Variants in NCOR1 observed in about 807,000 individuals in gnomAD.
The protein encoded by NCOR1 is nuclear receptor corepressor 1, also known as protein phosphatase 1, regulatory subunit 109.
A neutral mutation model predicts 288.1 loss-of-function variants in NCOR1; 63 were observed. The observed-to-expected ratio is 0.22, with a 90% confidence interval of 0.18 to 0.27. NCOR1 has a LOEUF of 0.27. Among genes scored for constraint, NCOR1 ranks in the 10% least tolerant of loss-of-function variants. The pLI is 1.00. For synonymous variants in NCOR1, 1,007 were observed against 1,065.9 expected, an observed-to-expected ratio of 0.94 and a Z score of 1.08; for missense variants, 2,397 against 3,019.2, an observed-to-expected ratio of 0.79 and a Z score of 4.83.
At chr17:16,194,898 C>G (rs1398360948) in intron 1 of NCOR1, among the ~76,000 whole-genome samples, 1 of 152,114 alleles carries the variant, frequency 6.6e-6, no homozygotes, top group South Asian at 2.1e-4. Context: ...AGCATAAGAT[C>G]TGGCACATAA....
At chr17:16,050,548 T>A (rs1201247642) in intron 40 of NCOR1, among the ~76,000 whole-genome samples, 1 of 152,180 alleles carries the variant, frequency 6.6e-6, no homozygotes, top group East Asian at 1.9e-4. Flanking sequence ...GACATAGCGA[T>A]TATGCATATG....
rs116848028 is a variant in NCOR1 at position 16,124,822 on chromosome 17, T to C, written c.1634+1260A>G. Among the ~76,000 whole-genome samples the C allele has an allele frequency of 2.7e-3, 413 of 152,352 alleles. 3 individuals carry two copies. Among genetic ancestry groups the C allele is most frequent in the Non-Finnish European group, 3.5e-3 (238 of 68,038 alleles). On this transcript the variant is annotated intron_variant, in intron 15 of 45. Coordinates refer to ENST00000268712, the MANE Select transcript of NCOR1 (RefSeq NM_006311.4). ...CTAAAATATAAAAATGAACTCTTCCTGTCTTAGCATTTTTATACTAATATA... is the reference window on the plus strand; with the variant it reads ...CTAAAATATAAAAATGAACTCTTCCCGTCTTAGCATTTTTATACTAATATA...
chr17:16,145,602 G>A (rs532221581), intron 10 of NCOR1, among the ~76,000 whole-genome samples: 24 of 151,984 alleles, frequency 1.6e-4, no homozygotes, highest in African/African-American at 5.3e-4. Flanking sequence ...AGTCTGAGAC[G>A]TGAGGAGCCC....
Position 16,194,613 on chromosome 17 carries a change from T to G in NCOR1, c.-44A>C. 8.1e-7 allele frequency: 1 copy of G among 1,233,960 alleles called. No homozygotes were observed. The highest frequency in any genetic ancestry group is 1.2e-6 in the Non-Finnish European group (1 of 856,326). The allele number at this position is 1,233,960 out of a possible 1,614,324, so 76.4% of individuals were successfully genotyped here. ...CACCAGACTGTGAGATCAATGCCAA[T>G]AAACAATCATGTTTCTAGGAAACCA... On this transcript the variant is annotated 5_prime_UTR_variant, in exon 2 of 46. Transcript: ENST00000268712.
At chr17:16,150,740 T>A (rs1262685767) in intron 8 of NCOR1, among the ~76,000 whole-genome samples, 1 of 151,276 alleles carries the variant, frequency 6.6e-6, no homozygotes, top group African/African-American at 2.4e-5. Flanking sequence ...GCCAACTAGA[T>A]CTTATCTGCT....
At chr17:16,091,739 G>A (rs1598438753) in intron 22 of NCOR1, 124 bp downstream of exon 22, 1 of 1,533,808 alleles carries the variant, frequency 6.5e-7, no homozygotes, top group African/African-American at 1.4e-5. Flanking sequence ...AACTGTGTCT[G>A]TTAGGACAAA....
rs982711843 is a variant in NCOR1, at chr17:16,080,128, C to A, written c.3401-64G>T. 177 of 1,373,636 alleles carry A rather than the reference C, an allele frequency of 1.3e-4. 1 individual carries two copies. The highest frequency in any genetic ancestry group is 4.2e-5 in the Non-Finnish European group (41 of 966,774). The allele number at this position is 1,373,636 out of a possible 1,614,324, so 85.1% of individuals were successfully genotyped here. ...GCCCCTGCCCCAAAACATAAAAAAA[C>A]AGCCCCTACTTGGGAGAGTACTCAA... On this transcript the variant is annotated intron_variant, in intron 25 of 45. Transcript: ENST00000268712.
chr17:16,139,392 A>G (rs898464400), intron 11 of NCOR1, among the ~76,000 whole-genome samples: 6 of 152,208 alleles, frequency 3.9e-5, no homozygotes, highest in Non-Finnish European at 8.8e-5. Flanking sequence ...GAGAATATCC[A>G]TATCGTTTTT....
intron 5 of NCOR1, 48 bp from the exon 6 acceptor site, chr17:16,158,921 C>T (rs1215629289): frequency 7.5e-7 from 1 of 1,335,028 alleles, no homozygotes; most frequent in Non-Finnish European, 1.1e-6. Context: ...CACACCACAC[C>T]CAGCAGTGAT....
chr17:16,069,049 A>G (rs1320227123), intron 31 of NCOR1, among the ~76,000 whole-genome samples: 1 of 152,264 alleles, frequency 6.6e-6, no homozygotes, highest in East Asian at 1.9e-4. Flanking sequence ...TGAAATATAC[A>G]TAACATAAAA....
At position 16,086,217 on chromosome 17, in the gene NCOR1, G is replaced by A. The variant is rs2064205549; in HGVS notation, c.3177+65C>T. 3.4e-6 allele frequency: 5 copies of A among 1,491,886 alleles called. No homozygotes were observed. In the South Asian group the frequency reaches 5.8e-5, roughly 17 times the overall value. 92.4% of individuals were successfully genotyped at this position (1,491,886 alleles called of 1,614,324 possible). The stretch of plus-strand genomic sequence containing the variant: ...CAACTCTGACAAATCAGTGCGAGGA[G>A]GGAGGACAAGTTTTAACAAAGCCAT... On this transcript the variant is annotated intron_variant, in intron 23 of 45. Coordinates refer to ENST00000268712, the MANE Select transcript of NCOR1 (RefSeq NM_006311.4).
At chr17:16,161,590 C>T (rs1329648337) in intron 5 of NCOR1, among the ~76,000 whole-genome samples, 1 of 152,188 alleles carries the variant, frequency 6.6e-6, no homozygotes, top group Non-Finnish European at 1.5e-5. Flanking sequence ...GCCACCGAGC[C>T]TGGCCCTGTT....
In NCOR1 at chr17:16,101,628, C is replaced by G. The variant is rs2067645601; in HGVS notation, c.2312G>C (p.Ser771Thr). 1 of 1,614,170 alleles carries G rather than the reference C, an allele frequency of 6.2e-7. No individual in the cohort carries two copies. Among genetic ancestry groups the G allele is most frequent in the Non-Finnish European group, 8.5e-7 (1 of 1,180,022 alleles). Residue 771 changes from serine (S) to threonine (T), a missense_variant, in exon 20 of 46, where the codon AGT becomes ACT. Physicochemically the swap from Ser to Thr is moderately conservative, Grantham distance 58. Transcript: ENST00000268712. ...PSTSPSLAVPSTKPAEDESVE... is the reference protein window; with the variant it reads ...PSTSPSLAVPTTKPAEDESVE... ...ACTTTCATCTTCAGCTGGTTTTGTA[C>G]TTGGAACTGCTAAGGAGGGAGATGT...
At chr17:16,138,374 C>A (rs1568273239) in intron 12 of NCOR1, among the ~76,000 whole-genome samples, 162 bp from the exon 13 acceptor site, 1 of 152,136 alleles carries the variant, frequency 6.6e-6, no homozygotes, top group Non-Finnish European at 1.5e-5. Context: ...CACTTGAGGT[C>A]AGGAGTTCAA....
At chr17:16,034,039 T>C (rs1320221175) in intron 45 of NCOR1, among the ~76,000 whole-genome samples, 2 of 152,220 alleles carry the variant, frequency 1.3e-5, no homozygotes, top group African/African-American at 4.8e-5. Context: ...CTAATTTTGA[T>C]TTCTTAGTAT....
chr17:16,104,777 A>G lies in NCOR1; in HGVS notation c.2183-3020T>C, dbSNP rs922260081. 2.6e-5 allele frequency among the ~76,000 whole-genome samples: 4 copies of G among 152,242 alleles called. No individual in the cohort carries two copies. The South Asian group carries it at 8.3e-4, about 31-fold the overall frequency. On this transcript the variant is annotated intron_variant, in intron 19 of 45. Transcript: ENST00000268712. ...TAACAGAGTGAGACCCTGTCTCAAAAAAACAAAAGAAGTGATATATCAGGT... is the reference window on the plus strand; with the variant it reads ...TAACAGAGTGAGACCCTGTCTCAAAGAAACAAAAGAAGTGATATATCAGGT...
chr17:16,158,614 G>T, intron 6 of NCOR1, 146 bp downstream of exon 6: 1 of 468,864 alleles, frequency 2.1e-6, no homozygotes, highest in Non-Finnish European at 3.8e-6. Flanking sequence ...CCAAGCTTCA[G>T]TCAGCCAAAG....
At chr17:16,145,277 G>C (rs2077723410) in intron 10 of NCOR1, among the ~76,000 whole-genome samples, 1 of 152,230 alleles carries the variant, frequency 6.6e-6, no homozygotes, top group African/African-American at 2.4e-5. Flanking sequence ...CGCCTGCCTT[G>C]GCCTCCCAAA....
intron 20 of NCOR1, 67 bp downstream of exon 20, chr17:16,101,183 A>C: frequency 6.7e-7 from 1 of 1,485,662 alleles, no homozygotes; most frequent in East Asian, 2.3e-5. Flanking sequence ...TGCAGCCAGC[A>C]CCACCCTGTG....
Sources: gnomAD v4.1 joint callset for allele counts (sites outside exome capture counted in the v4.1 genomes callset) on GRCh38, gnomAD v4.1.1 for gene constraint, MANE v1.5 for transcripts, NCBI Gene and HGNC (gene_info 2026-07-23, HGNC 2026-07-21) for gene names.